LINGO2: variants seen among roughly 807,000 people sequenced by gnomAD.
LINGO2 encodes the protein leucine-rich repeat and immunoglobulin-like domain-containing nogo receptor-interacting protein 2.
A neutral mutation model predicts 30.6 loss-of-function variants in LINGO2; 14 were observed. That is an observed-to-expected ratio of 0.46 (90% CI 0.30 to 0.72). The LOEUF (loss-of-function observed/expected upper bound fraction) is 0.72. Among genes scored for constraint, LINGO2 ranks in the 30% least tolerant of loss-of-function variants. The probability of loss-of-function intolerance (pLI) is 0.07; values close to 1 mark genes in which losing one functional copy is unlikely to be tolerated. For missense variants in LINGO2, 729 were observed against 751.7 expected, an observed-to-expected ratio of 0.97 and a Z score of 0.35; for synonymous variants, 317 against 288.5, an observed-to-expected ratio of 1.10 and a Z score of -1.00.
At chr9:29,193,998 G>A in the LINGO2 span, among the ~76,000 whole-genome samples, 4 of 152,276 alleles carry the variant, frequency 2.6e-5, no homozygotes, top group Non-Finnish European at 4.4e-5. Flanking sequence ...CAGCAGTGGT[G>A]AATGAATGGA....
chr9:28,683,451 T>C, the LINGO2 span, among the ~76,000 whole-genome samples: 6 of 152,128 alleles, frequency 3.9e-5, no homozygotes, highest in Non-Finnish European at 1.5e-5. Context: ...CAAATATCAC[T>C]CTTAAATCAA....
the LINGO2 span, among the ~76,000 whole-genome samples, chr9:29,026,963 TACAA>T: frequency 6.6e-6 from 1 of 152,044 alleles, no homozygotes; most frequent in Non-Finnish European, 1.5e-5. Flanking sequence ...AAATAACAAC[TACAA>T]ACAAACAAAA....
At chr9:28,506,485 C>CAGACATATAT (rs1820135121) in intron 1 of LINGO2, among the ~76,000 whole-genome samples, 3 of 73,398 alleles carry the variant, frequency 4.1e-5, no homozygotes, top group Non-Finnish European at 8.1e-5. Context: ...CACACATACA[C>CAGACATATAT]ATACACACAC....
the LINGO2 span, among the ~76,000 whole-genome samples, chr9:28,819,331 T>A: frequency 1.3e-5 from 2 of 152,228 alleles, no homozygotes; most frequent in African/African-American, 4.8e-5. Flanking sequence ...CTTTCTCTAA[T>A]CTCCACCCAT....
At chr9:28,355,729 A>C (rs1259326307) in intron 3 of LINGO2, among the ~76,000 whole-genome samples, 1 of 152,076 alleles carries the variant, frequency 6.6e-6, no homozygotes, top group Non-Finnish European at 1.5e-5. Flanking sequence ...AGGCTAAGAG[A>C]GATTGCTTTT....
the LINGO2 span, among the ~76,000 whole-genome samples, chr9:29,000,727 G>A: frequency 6.6e-6 from 1 of 151,744 alleles, no homozygotes; most frequent in African/African-American, 2.4e-5. Context: ...TATCTCTACA[G>A]ATACTTTGTT....
the LINGO2 span, among the ~76,000 whole-genome samples, chr9:28,896,837 T>TTACATATCATCTATAGAAG: frequency 1.3e-5 from 2 of 152,074 alleles, no homozygotes; most frequent in African/African-American, 4.8e-5. Context: ...CTCTTACTTT[T>TTACATATCATCTATAGAAG]TACATATCAT....
At chr9:28,678,652 T>G in the LINGO2 span, among the ~76,000 whole-genome samples, 1 of 152,166 alleles carries the variant, frequency 6.6e-6, no homozygotes, top group Non-Finnish European at 1.5e-5. Flanking sequence ...TTGTGAGGAC[T>G]GAGTTTATAC....
the LINGO2 span, among the ~76,000 whole-genome samples, chr9:29,191,109 T>C: frequency 2.8e-3 from 423 of 152,306 alleles, 1 homozygote; most frequent in African/African-American, 8.7e-3. Flanking sequence ...TTTGCCACCA[T>C]TGCAGATATT....
chr9:28,987,469 T>C, the LINGO2 span, among the ~76,000 whole-genome samples: 6,276 of 152,104 alleles, frequency 0.041, 199 homozygotes, highest in Admixed American at 0.083. Flanking sequence ...GCATGTTAAT[T>C]TGATATTTTC....
At chr9:29,017,614 C>A in the LINGO2 span, among the ~76,000 whole-genome samples, 4 of 152,028 alleles carry the variant, frequency 2.6e-5, no homozygotes, top group Non-Finnish European at 4.4e-5. Flanking sequence ...ATTTAAGAAA[C>A]CACGTTGGCA....
the LINGO2 span, among the ~76,000 whole-genome samples, chr9:28,969,164 A>G: frequency 6.6e-6 from 1 of 152,110 alleles, no homozygotes; most frequent in Non-Finnish European, 1.5e-5. Flanking sequence ...TATACATTAG[A>G]AGAAGATCAG....
chr9:29,115,728 A>G, the LINGO2 span, among the ~76,000 whole-genome samples: 1 of 152,068 alleles, frequency 6.6e-6, no homozygotes, highest in African/African-American at 2.4e-5. Context: ...TATGCAATTA[A>G]AGAATACTAA....
At chr9:28,318,961 C>T (rs760887540) in intron 3 of LINGO2, among the ~76,000 whole-genome samples, 30 of 152,156 alleles carry the variant, frequency 2.0e-4, no homozygotes, top group Non-Finnish European at 3.4e-4. Flanking sequence ...TTGCTACATA[C>T]ACTTGGTTAG....
At chr9:28,355,101 C>T (rs2134468063) in intron 3 of LINGO2, among the ~76,000 whole-genome samples, 1 of 152,128 alleles carries the variant, frequency 6.6e-6, no homozygotes, top group East Asian at 1.9e-4. Context: ...AACTTTAGTC[C>T]ACAGAACATT....
At chr9:28,977,888 C>G in the LINGO2 span, among the ~76,000 whole-genome samples, 161 of 152,238 alleles carry the variant, frequency 1.1e-3, 1 homozygote, top group African/African-American at 3.8e-3. Context: ...ATGTGGCTGT[C>G]TTGAAACAAA....
At chr9:28,341,574 A>G (rs1825766947) in intron 3 of LINGO2, among the ~76,000 whole-genome samples, 1 of 152,186 alleles carries the variant, frequency 6.6e-6, no homozygotes, top group African/African-American at 2.4e-5. Context: ...CAATCAGAAA[A>G]GATGCACTTG....
the LINGO2 span, among the ~76,000 whole-genome samples, chr9:28,764,654 C>A: frequency 6.6e-6 from 1 of 151,834 alleles, no homozygotes; most frequent in African/African-American, 2.4e-5. Flanking sequence ...CTAGCAAGAG[C>A]AACCAAAGAA....
At chr9:28,633,813 C>T (rs1827115023) in intron 1 of LINGO2, among the ~76,000 whole-genome samples, 1 of 152,154 alleles carries the variant, frequency 6.6e-6, no homozygotes, top group Non-Finnish European at 1.5e-5. Context: ...AGCTGACAGC[C>T]CCAAAGCCTG....
Sources: allele counts gnomAD v4.1 joint callset (sites outside exome capture counted in the v4.1 genomes callset), GRCh38; gene constraint gnomAD v4.1.1; transcripts MANE v1.5; gene names NCBI Gene and HGNC (gene_info 2026-07-23, HGNC 2026-07-21).